The following SP4 variants were observed in gnomAD, a reference collection of about 807,000 sequenced individuals.
The protein encoded by SP4 is Sp4 transcription factor.
In SP4, 19 loss-of-function variants were observed where a neutral mutation model predicts 72.8. The ratio of observed to expected loss-of-function variants is 0.26; its 90% CI spans 0.18 to 0.38. The LOEUF (loss-of-function observed/expected upper bound fraction) is 0.38, where lower values mean the gene tolerates loss of function less well. SP4 is among the 10% of genes least tolerant of loss of function. SP4 has a pLI of 1.00. For synonymous variants in SP4, 395 were observed against 333.1 expected (o/e 1.19, Z -2.02); for missense variants, 1,008 against 926.3 (o/e 1.09, Z -1.14).
intron 3 of SP4, among the ~76,000 whole-genome samples, chr7:21,452,552 A>G (rs1452568261): frequency 6.6e-6 from 1 of 152,194 alleles, no homozygotes; most frequent in African/African-American, 2.4e-5. Context: ...TCTTGGCTTT[A>G]TAAGTCAATT....
intron 3 of SP4, among the ~76,000 whole-genome samples, chr7:21,465,680 C>G (rs2128404126): frequency 6.6e-6 from 1 of 152,140 alleles, no homozygotes; most frequent in East Asian, 1.9e-4. Context: ...AGTTGACAGC[C>G]TGGACAACAT....
At chr7:21,464,523 G>GAGATCTGA (rs1401266070) in intron 3 of SP4, among the ~76,000 whole-genome samples, 1 of 151,670 alleles carries the variant, frequency 6.6e-6, no homozygotes, top group African/African-American at 2.4e-5. Flanking sequence ...TCCTAAAACT[G>GAGATCTGA]AGATCTGATA....
At chr7:21,435,320 G>T (rs187861885) in intron 3 of SP4, among the ~76,000 whole-genome samples, 2 of 152,158 alleles carry the variant, frequency 1.3e-5, no homozygotes, top group East Asian at 3.9e-4. Context: ...CTTCTCCAAG[G>T]AATTAAAATA....
chr7:21,479,533 G>T (rs1194862520), intron 4 of SP4, among the ~76,000 whole-genome samples: 2 of 152,252 alleles, frequency 1.3e-5, no homozygotes, highest in African/African-American at 4.8e-5. Flanking sequence ...GAGTACTTTG[G>T]ATTTGTAATA....
intron 3 of SP4, among the ~76,000 whole-genome samples, chr7:21,433,296 T>C (rs577530269): frequency 6.6e-6 from 1 of 152,334 alleles, no homozygotes; most frequent in African/African-American, 2.4e-5. Context: ...ATTTGAACTC[T>C]ACATAGTTGG....
In SP4 at chr7:21,430,059, T is replaced by C. The variant is rs1275242574; in HGVS notation, c.894T>C (p.Asn298=). Residue 298 remains asparagine, a synonymous_variant, in exon 3 of 6, where the codon AAT becomes AAC. Transcript: ENST00000222584. ...CTGATAGTGGGACTTCCAATGGGAA[T>C]CAATTAGTTTCCACACCCACCAACA... The part of the protein sequence containing the change: ...ATADSGTSNG[N]QLVSTPTNTT... 1.2e-6 allele frequency: 2 copies of C among 1,613,982 alleles called. No homozygotes were observed. The highest frequency in any genetic ancestry group is 2.2e-5 in the East Asian group (1 of 44,876).
chr7:21,442,000 GTGTGTT>G (rs1176362436), intron 3 of SP4, among the ~76,000 whole-genome samples: 2 of 86,654 alleles, frequency 2.3e-5, no homozygotes, highest in African/African-American at 1.0e-4. Flanking sequence ...TTATGTGTGT[GTGTGTT>G]TGTGTGTGTG....
chr7:21,457,170 T>G (rs1783792430), intron 3 of SP4, among the ~76,000 whole-genome samples: 1 of 152,232 alleles, frequency 6.6e-6, no homozygotes, highest in Non-Finnish European at 1.5e-5. Context: ...TTTAGCAACT[T>G]TATTTTATAA....
Position 21,428,220 on chromosome 7 carries a change from C to A in SP4, c.-32C>A. 2 of 984,080 alleles carry A rather than the reference C, an allele frequency of 2.0e-6. No homozygotes were observed. Among genetic ancestry groups the A allele is most frequent in the Non-Finnish European group, 2.8e-6 (2 of 704,276 alleles). 61.0% of individuals were successfully genotyped at this position (984,080 alleles called of 1,614,324 possible). ...CCCCCACCCACCTCTATCCCAGTGT[C>A]TCCGTCTGAGGGTTTGTCCTGTTAA... is the stretch of plus-strand genomic sequence containing the variant. On this transcript the variant is annotated 5_prime_UTR_variant, in exon 1 of 6. Coordinates refer to ENST00000222584, the MANE Select transcript of SP4 (RefSeq NM_003112.5).
At chr7:21,442,346 T>A (rs1203537824) in intron 3 of SP4, among the ~76,000 whole-genome samples, 1 of 152,114 alleles carries the variant, frequency 6.6e-6, no homozygotes, top group Non-Finnish European at 1.5e-5. Context: ...GGGCCCATTT[T>A]AAATCTATAA....
At chr7:21,460,552 C>G (rs916372188) in intron 3 of SP4, among the ~76,000 whole-genome samples, 1 of 152,152 alleles carries the variant, frequency 6.6e-6, no homozygotes, top group Non-Finnish European at 1.5e-5. Context: ...GAAGGGGACC[C>G]GAGCGGGTTG....
At chr7:21,437,825 G>A (rs569407707) in intron 3 of SP4, among the ~76,000 whole-genome samples, 1 of 152,286 alleles carries the variant, frequency 6.6e-6, no homozygotes, top group South Asian at 2.1e-4. Flanking sequence ...CTGCAATATT[G>A]TGCGCAGTAC....
intron 3 of SP4, among the ~76,000 whole-genome samples, chr7:21,469,960 G>A (rs571185820): frequency 3.3e-5 from 5 of 152,126 alleles, no homozygotes; most frequent in South Asian, 4.1e-4. Flanking sequence ...TGAGAGAGTA[G>A]TACATAGTTT....
chr7:21,494,120 T>C (rs1408778872), intron 5 of SP4, among the ~76,000 whole-genome samples: 1 of 152,102 alleles, frequency 6.6e-6, no homozygotes, highest in Non-Finnish European at 1.5e-5. Context: ...GCAAACTGAG[T>C]TGAAGGAAAC....
chr7:21,459,626 T>G (rs886721746), intron 3 of SP4, among the ~76,000 whole-genome samples: 1 of 152,372 alleles, frequency 6.6e-6, no homozygotes, highest in East Asian at 1.9e-4. Context: ...GTAATAAGAT[T>G]ATACTGTTTT....
chr7:21,497,432 CA>C (rs1426048142), intron 5 of SP4, among the ~76,000 whole-genome samples: 1 of 152,250 alleles, frequency 6.6e-6, no homozygotes, highest in Non-Finnish European at 1.5e-5. Context: ...CTTGAATAAA[CA>C]CTTCCATGGA....
intron 3 of SP4, among the ~76,000 whole-genome samples, chr7:21,434,722 T>A (rs1020718671): frequency 6.6e-6 from 1 of 152,178 alleles, no homozygotes; most frequent in African/African-American, 2.4e-5. Flanking sequence ...TAGTGAACCT[T>A]GTACCCAACA....
At chr7:21,428,863 G>A in intron 2 of SP4, 71 bp downstream of exon 2, 5 of 1,144,726 alleles carry the variant, frequency 4.4e-6, no homozygotes, top group Non-Finnish European at 6.2e-6. Flanking sequence ...CCCTTTGAAT[G>A]TCCAGAAGTA....
intron 5 of SP4, among the ~76,000 whole-genome samples, chr7:21,509,728 G>A (rs918466669): frequency 1.3e-5 from 2 of 152,180 alleles, no homozygotes; most frequent in East Asian, 1.9e-4. Context: ...AATATCTGAC[G>A]TGGACCAACT....
Sources: allele counts gnomAD v4.1 joint callset (sites outside exome capture counted in the v4.1 genomes callset), GRCh38; gene constraint gnomAD v4.1.1; transcripts MANE v1.5; gene names NCBI Gene and HGNC (gene_info 2026-07-23, HGNC 2026-07-21).